Variants in SFMBT2 observed in about 807,000 individuals in gnomAD.
The protein encoded by SFMBT2 is scm-like with four MBT domains protein 2.
SFMBT2 carries 38 observed loss-of-function variants against 110.1 expected under a neutral mutation model. The observed-to-expected ratio is 0.35, with a 90% confidence interval of 0.27 to 0.45. The LOEUF is 0.45. Ranked by LOEUF, SFMBT2 falls within the 20% of genes least tolerant of loss-of-function variation. The probability of loss-of-function intolerance (pLI) is 1.00; values close to 1 mark genes in which losing one functional copy is unlikely to be tolerated. For missense variants in SFMBT2, 1,011 were observed against 1,094.9 expected (o/e 0.92, Z 1.08); for synonymous variants, 425 against 425.4 (o/e 1.00, Z 0.01).
chr10:7,217,940 C>CATTAATCTCATGTAGTTT (rs1839596041), intron 11 of SFMBT2, among the ~76,000 whole-genome samples: 1 of 152,168 alleles, frequency 6.6e-6, no homozygotes, highest in African/African-American at 2.4e-5. Context: ...AATGATATTA[C>CATTAATCTCATGTAGTTT]ATTAATCTCA....
intron 11 of SFMBT2, among the ~76,000 whole-genome samples, chr10:7,213,903 G>C (rs1839442470): frequency 6.6e-6 from 1 of 152,212 alleles, no homozygotes; most frequent in African/African-American, 2.4e-5. Context: ...GCTGGGCACA[G>C]ATGGCTGAAG....
At chr10:7,251,011 G>A (rs946896166) in intron 7 of SFMBT2, among the ~76,000 whole-genome samples, 8 of 152,060 alleles carry the variant, frequency 5.3e-5, no homozygotes, top group Admixed American at 2.0e-4. Context: ...AAGATTCAAA[G>A]TTAATTTGAA....
In SFMBT2 at chr10:7,248,598, T is replaced by C; in HGVS notation, c.922A>G (p.Thr308Ala). 1 of 1,614,172 alleles carries C rather than the reference T, an allele frequency of 6.2e-7. No homozygotes were observed. The highest frequency in any genetic ancestry group is 1.1e-5 in the South Asian group (1 of 91,086). The change falls in exon 8 of 21, where the codon ACA becomes GCA. Residue 308 changes from threonine to alanine, a missense_variant. By Grantham distance (58) the Thr-to-Ala change is moderately conservative. Transcript: ENST00000397167. ...HFFTVGMKLETVNMCEPFYIS... is the reference protein window; with the variant it reads ...HFFTVGMKLEAVNMCEPFYIS... ...TAAAAGGGCTCGCACATATTCACTG[T>C]CTCAAGCTTCATCCCAACTGTGAAG... is the stretch of plus-strand genomic sequence containing the variant.
chr10:7,285,824 G>A (rs377411205), intron 5 of SFMBT2, 42 bp downstream of exon 5: 3 of 855,432 alleles, frequency 3.5e-6, no homozygotes, highest in Admixed American at 1.7e-5. Context: ...ACGTAACTGG[G>A]GTGCTTCAGA....
At chr10:7,206,275 T>A (rs1356311991) in intron 11 of SFMBT2, 1 of 985,158 alleles carries the variant, frequency 1.0e-6, no homozygotes, top group Non-Finnish European at 1.2e-6. Context: ...AGAACAAGCA[T>A]CCCCCTTTCC....
chr10:7,393,220 G>A (rs887509610), intron 1 of SFMBT2, among the ~76,000 whole-genome samples: 16 of 151,412 alleles, frequency 1.1e-4, no homozygotes, highest in African/African-American at 3.1e-4. Context: ...TCGTAGAGAC[G>A]GCATTTTGCC....
At chr10:7,196,351 C>A (rs1335064339) in intron 15 of SFMBT2, among the ~76,000 whole-genome samples, 1 of 152,240 alleles carries the variant, frequency 6.6e-6, no homozygotes, top group African/African-American at 2.4e-5. Flanking sequence ...TCCAGCCATA[C>A]CTGACTTTCC....
chr10:7,379,803 A>G (rs1287230827), intron 2 of SFMBT2, among the ~76,000 whole-genome samples: 1 of 152,208 alleles, frequency 6.6e-6, no homozygotes, highest in Non-Finnish European at 1.5e-5. Flanking sequence ...GGTTTTCTGC[A>G]TGGACTCCCC....
At chr10:7,385,334 G>C (rs2132090165) in intron 1 of SFMBT2, among the ~76,000 whole-genome samples, 1 of 152,300 alleles carries the variant, frequency 6.6e-6, no homozygotes, top group South Asian at 2.1e-4. Flanking sequence ...AGGTGGCATG[G>C]GCTTGGAGAG....
chr10:7,249,181 G>C (rs1840719281), intron 7 of SFMBT2: 1 of 379,530 alleles, frequency 2.6e-6, no homozygotes, highest in Non-Finnish European at 3.6e-6. Flanking sequence ...TGATCTTAGA[G>C]ATGCCTGCAG....
At chr10:7,406,675 G>A (rs1272886016) in intron 1 of SFMBT2, among the ~76,000 whole-genome samples, 1 of 152,186 alleles carries the variant, frequency 6.6e-6, no homozygotes, top group African/African-American at 2.4e-5. Flanking sequence ...AGTCTATAAT[G>A]TCTGCAAGAA....
At chr10:7,313,839 ACAC>A (rs1285645014) in intron 4 of SFMBT2, among the ~76,000 whole-genome samples, 2 of 152,198 alleles carry the variant, frequency 1.3e-5, no homozygotes, top group African/African-American at 4.8e-5. Flanking sequence ...GTTTGGCAAG[ACAC>A]CACTTTTCTC....
chr10:7,240,669 C>T (rs1427948022), intron 9 of SFMBT2, among the ~76,000 whole-genome samples: 1 of 152,116 alleles, frequency 6.6e-6, no homozygotes, highest in Non-Finnish European at 1.5e-5. Flanking sequence ...AGCTGAGGTT[C>T]TCCTGTTCCT....
rs189646781 is a variant in SFMBT2, at chr10:7,355,635, A to C, written c.436+12014T>G. On this transcript the variant is annotated intron_variant, in intron 4 of 20. Coordinates refer to ENST00000397167, the MANE Select transcript of SFMBT2 (RefSeq NM_001387889.1). The stretch of plus-strand genomic sequence containing the variant: ...AGACCAGCCTGGCTAAGATAGTGAA[A>C]CCCCTTCTCTATTAAAAATACAAAA... Among the ~76,000 whole-genome samples, 896 of 152,184 alleles carry C rather than the reference A, an allele frequency of 5.9e-3. 13 individuals carry two copies. Among genetic ancestry groups the C allele is most frequent in the African/African-American group, 0.02 (835 of 41,512 alleles).
At chr10:7,379,477 T>C (rs1394983321) in intron 2 of SFMBT2, among the ~76,000 whole-genome samples, 1 of 152,120 alleles carries the variant, frequency 6.6e-6, no homozygotes, top group African/African-American at 2.4e-5. Flanking sequence ...CAAAACTAGA[T>C]TTGAGTTTCT....
intron 4 of SFMBT2, among the ~76,000 whole-genome samples, chr10:7,287,903 G>A (rs939385657): frequency 6.6e-6 from 1 of 152,078 alleles, no homozygotes; most frequent in Non-Finnish European, 1.5e-5. Flanking sequence ...CCAATCAAAG[G>A]GTGCCAGGTT....
In SFMBT2 at chr10:7,188,649, A is replaced by G; in HGVS notation, c.1783T>C (p.Phe595Leu). 1.2e-6 allele frequency: 2 copies of G among 1,613,712 alleles called. No individual in the cohort carries two copies. The highest frequency in any genetic ancestry group is 2.7e-5 in the African/African-American group (2 of 75,050). The change falls in exon 16 of 21, where the codon TTC becomes CTC. Residue 595 changes from phenylalanine (F) to leucine (L), a missense_variant. Around this residue, in one of 2 missense-constraint regions of SFMBT2, gnomAD observed 979 missense variants for 1,016.1 expected, o/e 0.96. Coordinates refer to ENST00000397167, the MANE Select transcript of SFMBT2 (RefSeq NM_001387889.1). Reference sequence around the variant, plus strand: ...TTGGCCTTCAGCGTCTCTTCCTGGAAATTCCAGTGGGGATCTTCTACCAGC... The same window carrying G: ...TTGGCCTTCAGCGTCTCTTCCTGGAGATTCCAGTGGGGATCTTCTACCAGC... The part of the protein sequence containing the change: ...LQLVEDPHWN[F>L]QEETLKAKYR...
At chr10:7,230,119 C>A (rs1840072797) in intron 9 of SFMBT2, among the ~76,000 whole-genome samples, 1 of 152,058 alleles carries the variant, frequency 6.6e-6, no homozygotes, top group Non-Finnish European at 1.5e-5. Context: ...TTCCCATATC[C>A]TGCTGACCAT....
chr10:7,285,938 G>A lies in SFMBT2; in HGVS notation c.453C>T (p.Tyr151=). The change falls in exon 5 of 21, where the codon TAC becomes TAT. Residue 151 remains tyrosine, a synonymous_variant. Coordinates refer to ENST00000397167, the MANE Select transcript of SFMBT2 (RefSeq NM_001387889.1). ...LMPPDAIKEK[Y]TDWTEFLIRD... ...GTATGAGAAATTCTGTCCAGTCTGT[G>A]TACTTCTCTTTGATTGCTGGCAAGA... The A allele has an allele frequency of 3.4e-6, 3 of 871,658 alleles. No homozygotes were observed. The highest frequency in any genetic ancestry group is 4.8e-5 in the East Asian group (2 of 41,698). 54.0% of individuals were successfully genotyped at this position (871,658 alleles called of 1,614,324 possible). A position where few individuals can be genotyped will look rare whatever the true frequency, so the allele number is the denominator to read the frequency against.
Sources: gnomAD v4.1 joint callset for allele counts (sites outside exome capture counted in the v4.1 genomes callset) on GRCh38, gnomAD v4.1.1 for gene constraint, gnomAD v4.1.1 regional missense constraint, MANE v1.5 for transcripts, NCBI Gene and HGNC (gene_info 2026-07-23, HGNC 2026-07-21) for gene names.